TRIM44: variants seen among roughly 807,000 people sequenced by gnomAD.
TRIM44 encodes the protein tripartite motif-containing protein 44.
TRIM44 carries 13 observed loss-of-function variants against 37.4 expected under a neutral mutation model. That is an observed-to-expected ratio of 0.35 (90% CI 0.23 to 0.55). The LOEUF is 0.55. Ranked by LOEUF, TRIM44 falls within the 20% of genes least tolerant of loss-of-function variation. The pLI, the probability that TRIM44 is intolerant of heterozygous loss-of-function variation, is 0.89. For synonymous variants in TRIM44, 175 were observed against 157.2 expected, an observed-to-expected ratio of 1.11 and a Z score of -0.85; for missense variants, 426 against 437.2, an observed-to-expected ratio of 0.97 and a Z score of 0.23.
chr11:35,768,274 C>CTTAAT (rs1178692374), intron 4 of TRIM44, among the ~76,000 whole-genome samples: 1 of 152,180 alleles, frequency 6.6e-6, no homozygotes, highest in Non-Finnish European at 1.5e-5. Flanking sequence ...AGCTTGCATA[C>CTTAAT]TTAATTTAAT....
chr11:35,700,098 A>G (rs1175531193), intron 2 of TRIM44, among the ~76,000 whole-genome samples: 1 of 152,224 alleles, frequency 6.6e-6, no homozygotes, highest in Non-Finnish European at 1.5e-5. Flanking sequence ...GGAAAAAACT[A>G]CTTTAAAGTT....
chr11:35,741,126 C>T (rs2135524345), intron 4 of TRIM44, among the ~76,000 whole-genome samples: 1 of 152,158 alleles, frequency 6.6e-6, no homozygotes, highest in South Asian at 2.1e-4. Context: ...AAGAAAATGG[C>T]TGTGATACTT....
At chr11:35,720,107 A>C (rs776537600) in intron 2 of TRIM44, among the ~76,000 whole-genome samples, 8 of 152,160 alleles carry the variant, frequency 5.3e-5, no homozygotes, top group African/African-American at 1.4e-4. Flanking sequence ...GGATTTTGTT[A>C]ATCTGTAGAT....
chr11:35,770,724 C>T (rs1054303245), intron 4 of TRIM44, among the ~76,000 whole-genome samples: 37 of 152,276 alleles, frequency 2.4e-4, no homozygotes, highest in African/African-American at 8.9e-4. Flanking sequence ...ACCCAAATCT[C>T]ATCTTGAATT....
chr11:35,748,382 AC>A (rs1564996101), intron 4 of TRIM44, among the ~76,000 whole-genome samples: 13 of 152,326 alleles, frequency 8.5e-5, no homozygotes. Flanking sequence ...TAGTCCATCA[AC>A]CCTTCAGAGA....
At chr11:35,804,084 T>C (rs556775422) in intron 4 of TRIM44, among the ~76,000 whole-genome samples, 1 of 152,312 alleles carries the variant, frequency 6.6e-6, no homozygotes, top group African/African-American at 2.4e-5. Context: ...GTTCATCTTA[T>C]TCATTTTTGT....
At chr11:35,738,053 C>T (rs1180571860) in intron 4 of TRIM44, among the ~76,000 whole-genome samples, 1 of 152,152 alleles carries the variant, frequency 6.6e-6, no homozygotes, top group African/African-American at 2.4e-5. Context: ...CCAGTCCAGT[C>T]AGAGCCCTAG....
intron 4 of TRIM44, among the ~76,000 whole-genome samples, chr11:35,804,114 A>C (rs111273997): frequency 6.6e-6 from 1 of 152,272 alleles, no homozygotes; most frequent in African/African-American, 2.4e-5. Flanking sequence ...CATGACTTAC[A>C]CATGGTTGAC....
chr11:35,712,367 A>G (rs548544586), intron 2 of TRIM44, among the ~76,000 whole-genome samples: 4 of 152,318 alleles, frequency 2.6e-5, no homozygotes, highest in African/African-American at 9.6e-5. Flanking sequence ...TAAGAAACAC[A>G]TTAGGAAATA....
intron 2 of TRIM44, among the ~76,000 whole-genome samples, chr11:35,696,102 G>A (rs563863195): frequency 9.3e-5 from 14 of 150,798 alleles, no homozygotes; most frequent in Non-Finnish European, 1.2e-4. Flanking sequence ...CCAGGTTACC[G>A]TAAGTCATTC....
At chr11:35,785,171 T>C (rs778329568) in intron 4 of TRIM44, among the ~76,000 whole-genome samples, 6 of 152,238 alleles carry the variant, frequency 3.9e-5, no homozygotes, top group Non-Finnish European at 5.9e-5. Context: ...AGCTCTGAAT[T>C]GAATCTGACT....
At position 35,692,613 on chromosome 11, in the gene TRIM44, G is replaced by T. The variant is rs555572610; in HGVS notation, c.747+7277G>T. 1.9e-3 allele frequency among the ~76,000 whole-genome samples: 283 copies of T among 152,146 alleles called. 2 individuals are homozygous for T. Among genetic ancestry groups the T allele is most frequent in the African/African-American group, 6.5e-3 (271 of 41,516 alleles). On this transcript the variant is annotated intron_variant, in intron 2 of 4. Transcript: ENST00000299413. ...TTTTGGATTTGGGACGTTTAACCTG[G>T]ATTATATATTGTTAGAAGAAAAACT...
At chr11:35,697,986 G>A (rs1012477825) in intron 2 of TRIM44, among the ~76,000 whole-genome samples, 14 of 151,470 alleles carry the variant, frequency 9.2e-5, no homozygotes, top group African/African-American at 3.4e-4. Context: ...GGATGGCTGG[G>A]TCAAATGGTA....
intron 4 of TRIM44, among the ~76,000 whole-genome samples, chr11:35,796,290 C>T (rs1590607428): frequency 6.6e-6 from 1 of 152,202 alleles, no homozygotes; most frequent in Non-Finnish European, 1.5e-5. Context: ...TGTGCATGCA[C>T]ACATACAGCG....
intron 2 of TRIM44, among the ~76,000 whole-genome samples, chr11:35,723,043 C>A (rs757959074): frequency 1.9e-4 from 29 of 151,748 alleles, no homozygotes; most frequent in Admixed American, 9.2e-4. Flanking sequence ...CTCTCTACCT[C>A]CCTCCCTCCC....
intron 4 of TRIM44, among the ~76,000 whole-genome samples, chr11:35,778,173 C>T (rs538625242): frequency 5.3e-5 from 8 of 152,264 alleles, no homozygotes; most frequent in African/African-American, 1.9e-4. Flanking sequence ...TCTTTTTTCT[C>T]TAAACTTCTC....
intron 4 of TRIM44, among the ~76,000 whole-genome samples, chr11:35,742,797 A>ACT (rs1852427792): frequency 1.8e-4 from 1 of 5,436 alleles, no homozygotes; most frequent in Non-Finnish European, 3.3e-4. Context: ...CAATTATATT[A>ACT]ATATATTAAA....
At chr11:35,798,567 C>CT (rs1853325061) in intron 4 of TRIM44, among the ~76,000 whole-genome samples, 1 of 152,066 alleles carries the variant, frequency 6.6e-6, no homozygotes, top group Admixed American at 6.5e-5. Flanking sequence ...GCAAACATGC[C>CT]TTTGGACCCA....
intron 4 of TRIM44, among the ~76,000 whole-genome samples, chr11:35,753,473 A>G (rs1368168428): frequency 1.3e-5 from 2 of 152,214 alleles, no homozygotes; most frequent in Non-Finnish European, 2.9e-5. Context: ...TGTCCAAGCC[A>G]TATGGTTTCC....
Sources: gnomAD v4.1 joint callset for allele counts (sites outside exome capture counted in the v4.1 genomes callset) on GRCh38, gnomAD v4.1.1 for gene constraint, MANE v1.5 for transcripts, NCBI Gene and HGNC (gene_info 2026-07-23, HGNC 2026-07-21) for gene names.